Variants in NT5DC1 observed in about 807,000 individuals in gnomAD.
The protein encoded by NT5DC1 is 5'-nucleotidase domain containing 1.
NT5DC1 carries 42 observed loss-of-function variants against 59.4 expected under a neutral mutation model. The ratio of observed to expected loss-of-function variants is 0.71; its 90% CI spans 0.55 to 0.92. NT5DC1 has a LOEUF of 0.92. Among genes scored for constraint, NT5DC1 ranks in the 40% least tolerant of loss-of-function variants. The pLI is 0.00. For missense variants in NT5DC1, 501 were observed against 537.1 expected, an observed-to-expected ratio of 0.93 and a Z score of 0.66; for synonymous variants, 172 against 188.1, an observed-to-expected ratio of 0.91 and a Z score of 0.70.
Position 116,116,684 on chromosome 6 carries a change from A to G in NT5DC1, c.444+914A>G, listed in dbSNP as rs543326670. On this transcript the variant is annotated intron_variant, in intron 5 of 11. Coordinates refer to ENST00000319550, the MANE Select transcript of NT5DC1 (RefSeq NM_152729.3). ...TACTATCATTTTGATAATAGAACCC[A>G]GGTAATGCTTTATTTGTGAATCAGA... Among the ~76,000 whole-genome samples the G allele has an allele frequency of 2.0e-4, 31 of 152,148 alleles. No individual in the cohort carries two copies. In the South Asian group the frequency reaches 6.2e-3, roughly 31 times the overall value.
At chr6:116,238,869 A>T in intron 10 of NT5DC1, 86 bp from the exon 11 acceptor site, 1 of 840,780 alleles carries the variant, frequency 1.2e-6, no homozygotes, top group Non-Finnish European at 1.9e-6. Flanking sequence ...AGGGTTTCAA[A>T]GTTTTTATTT....
intron 6 of NT5DC1, among the ~76,000 whole-genome samples, chr6:116,166,155 G>A (rs903553862): frequency 1.3e-5 from 2 of 152,132 alleles, no homozygotes; most frequent in Non-Finnish European, 2.9e-5. Flanking sequence ...AGAGGTTCTC[G>A]GGAGTCAATC....
At chr6:116,108,550 G>A in intron 3 of NT5DC1, 115 bp downstream of exon 3, 1 of 672,864 alleles carries the variant, frequency 1.5e-6, no homozygotes, top group African/African-American at 1.8e-5. Context: ...TTAATCAGAT[G>A]ACAGATTGTC....
At chr6:116,195,538 T>G (rs1781205210) in intron 6 of NT5DC1, among the ~76,000 whole-genome samples, 1 of 152,078 alleles carries the variant, frequency 6.6e-6, no homozygotes, top group South Asian at 2.1e-4. Flanking sequence ...ATAATCCATA[T>G]ATTCTGCTTT....
At chr6:116,206,168 G>T (rs1030893290) in intron 6 of NT5DC1, among the ~76,000 whole-genome samples, 20 of 151,998 alleles carry the variant, frequency 1.3e-4, no homozygotes, top group Admixed American at 9.2e-4. Flanking sequence ...TGCATTTTGG[G>T]CCCATGCAGG....
intron 4 of NT5DC1, 27 bp from the exon 5 acceptor site, chr6:116,115,664 C>A: frequency 8.8e-7 from 1 of 1,138,104 alleles, no homozygotes; most frequent in Non-Finnish European, 1.3e-6. Context: ...TATGTTGTTC[C>A]CAGTTTAAAA....
At chr6:116,133,287 A>T (rs1779513996) in intron 6 of NT5DC1, among the ~76,000 whole-genome samples, 1 of 152,030 alleles carries the variant, frequency 6.6e-6, no homozygotes, top group South Asian at 2.1e-4. Context: ...GTTAGTTCCT[A>T]CTCTGTTTAC....
intron 6 of NT5DC1, among the ~76,000 whole-genome samples, chr6:116,140,582 A>C (rs1187230796): frequency 6.6e-6 from 1 of 152,146 alleles, no homozygotes; most frequent in East Asian, 1.9e-4. Context: ...CCCCTATGCC[A>C]TCTCCCTGAT....
intron 6 of NT5DC1, among the ~76,000 whole-genome samples, chr6:116,173,514 G>C (rs1780660707): frequency 6.6e-6 from 1 of 152,096 alleles, no homozygotes; most frequent in African/African-American, 2.4e-5. Flanking sequence ...TTCACTTCAT[G>C]TAGAGGGTTC....
chr6:116,239,027 C>A lies in NT5DC1; in HGVS notation c.1156C>A (p.Leu386Met). 6.2e-7 allele frequency: 1 copy of A among 1,606,766 alleles called. No individual in the cohort carries two copies. Among genetic ancestry groups the A allele is most frequent in the South Asian group, 1.1e-5 (1 of 90,926 alleles). Reference protein sequence around the residue: ...GSFFIDSVLGLENTEDSLVYT... With the variant: ...GSFFIDSVLGMENTEDSLVYT... ...TTTTTTTATTGATTCAGTTTTGGGA[C>A]TGGAAAATACAGAAGACTCCTTGGT... The change falls in exon 11 of 12, where the codon CTG becomes ATG. Residue 386 changes from leucine (L) to methionine (M), a missense_variant. Leu to Met is a conservative substitution (Grantham distance 15, BLOSUM62 2). Transcript: ENST00000319550.
chr6:116,194,510 G>C (rs1781185199), intron 6 of NT5DC1, among the ~76,000 whole-genome samples: 1 of 151,922 alleles, frequency 6.6e-6, no homozygotes, highest in East Asian at 1.9e-4. Flanking sequence ...TTATGTTGTG[G>C]GGAGTTAAAA....
chr6:116,231,540 A>AT (rs1271205677), intron 8 of NT5DC1, among the ~76,000 whole-genome samples: 2 of 152,244 alleles, frequency 1.3e-5, no homozygotes, highest in Non-Finnish European at 2.9e-5. Flanking sequence ...GACTTGAGCC[A>AT]TCTCATTCAC....
intron 6 of NT5DC1, among the ~76,000 whole-genome samples, chr6:116,153,915 G>A (rs954793421): frequency 3.3e-5 from 5 of 152,014 alleles, no homozygotes; most frequent in Non-Finnish European, 7.4e-5. Flanking sequence ...CTTACTACGT[G>A]CCAAAAGATT....
intron 1 of NT5DC1, among the ~76,000 whole-genome samples, chr6:116,105,891 G>A (rs1321559063): frequency 6.6e-6 from 1 of 152,144 alleles, no homozygotes; most frequent in Non-Finnish European, 1.5e-5. Flanking sequence ...TGGATGGATA[G>A]AGTGGTCATC....
intron 6 of NT5DC1, among the ~76,000 whole-genome samples, chr6:116,175,195 C>T (rs1582852961): frequency 6.6e-6 from 1 of 152,190 alleles, no homozygotes; most frequent in Non-Finnish European, 1.5e-5. Flanking sequence ...AATCAGGATA[C>T]AGAGCATTTC....
chr6:116,138,539 G>A (rs564110805), intron 6 of NT5DC1, among the ~76,000 whole-genome samples: 40 of 152,006 alleles, frequency 2.6e-4, no homozygotes, highest in Non-Finnish European at 5.6e-4. Context: ...AATTAAAAAC[G>A]AAGCTAATTG....
intron 6 of NT5DC1, among the ~76,000 whole-genome samples, chr6:116,159,191 A>G (rs1408556177): frequency 1.3e-5 from 2 of 152,134 alleles, no homozygotes; most frequent in African/African-American, 4.8e-5. Flanking sequence ...TAAATATACA[A>G]TTATGTGACT....
At chr6:116,107,498 A>G (rs1260735096) in intron 2 of NT5DC1, among the ~76,000 whole-genome samples, 2 of 151,502 alleles carry the variant, frequency 1.3e-5, no homozygotes, top group Non-Finnish European at 2.9e-5. Context: ...CTTTTACAGT[A>G]AAGGAGCTAA....
At chr6:116,155,922 T>C (rs889050113) in intron 6 of NT5DC1, among the ~76,000 whole-genome samples, 1 of 152,108 alleles carries the variant, frequency 6.6e-6, no homozygotes, top group Admixed American at 6.6e-5. Context: ...TGGGAGAATT[T>C]ACAAGAGACA....
Sources: gnomAD v4.1 joint callset for allele counts (sites outside exome capture counted in the v4.1 genomes callset) on GRCh38, gnomAD v4.1.1 for gene constraint, MANE v1.5 for transcripts, NCBI Gene and HGNC (gene_info 2026-07-23, HGNC 2026-07-21) for gene names.